The following IL15RA variants were observed in gnomAD, a reference collection of about 807,000 sequenced individuals.
IL15RA encodes interleukin 15 receptor subunit alpha, also known as interleukin-15 receptor subunit alpha.
Under a neutral mutation model 24.2 loss-of-function variants are expected in IL15RA, and 26 were observed. The ratio of observed to expected loss-of-function variants is 1.07; its 90% CI spans 0.79 to 1.49. The LOEUF (loss-of-function observed/expected upper bound fraction) is 1.49. Ranked by LOEUF, IL15RA falls within the 40% of genes most tolerant of loss-of-function variation. The pLI is 0.00. For synonymous variants in IL15RA, 166 were observed against 157.6 expected (o/e 1.05, Z -0.40); for missense variants, 354 against 356.4 (o/e 0.99, Z 0.05).
chr10:5,954,420 A>G (rs1187103681), intron 6 of IL15RA, among the ~76,000 whole-genome samples: 1 of 151,648 alleles, frequency 6.6e-6, no homozygotes, highest in African/African-American at 2.4e-5. Flanking sequence ...AATTCTTCCT[A>G]AAGATATATT....
At chr10:5,951,141 CAAAAAAAAAAAAAA>C (rs60771366), downstream of IL15RA, among the ~76,000 whole-genome samples, 68 of 35,956 alleles carry the variant, frequency 1.9e-3, 1 homozygote, top group African/African-American at 3.9e-3. Context: ...GACTCAGTCT[CAAAAAAAAAAAAAA>C]AAAAAAAAAA....
rs1835123226 is a variant in IL15RA, at chr10:5,959,439, A to G, written c.616+315T>C. On this transcript the variant is annotated intron_variant, in intron 5 of 6. Transcript: ENST00000379977. The surrounding 1 kb of genome is among the most constrained non-coding windows in gnomAD (Gnocchi z 4.1). Reference sequence around the variant, plus strand: ...CTGGCATCAGCACCTGTAGTTTTGGATGCTCCATGCAAAAGAGGTGCACCC... The same window carrying G: ...CTGGCATCAGCACCTGTAGTTTTGGGTGCTCCATGCAAAAGAGGTGCACCC... Among the ~76,000 whole-genome samples the G allele has an allele frequency of 6.6e-6, 1 of 152,116 alleles. No homozygotes were observed.
downstream of IL15RA, among the ~76,000 whole-genome samples, chr10:5,950,095 C>A (rs376866759): frequency 2.0e-5 from 3 of 149,852 alleles, no homozygotes; most frequent in African/African-American, 2.5e-5. This position sits in a 1 kb window ranked among gnomAD's most constrained non-coding sequence, Gnocchi z 5.6. Flanking sequence ...GACTCTGTCT[C>A]AAAAAAAAAG....
downstream of IL15RA, chr10:5,949,137 T>C (rs1489067764): frequency 4.5e-5 from 20 of 448,770 alleles, no homozygotes; most frequent in Non-Finnish European, 8.8e-5. This position sits in a 1 kb window ranked among gnomAD's most constrained non-coding sequence, Gnocchi z 4.4. Flanking sequence ...ACAGGGTCAT[T>C]GGGAGGAGCC....
Position 5,960,573 on chromosome 10 carries a change from G to A in IL15RA, c.383-6C>T, listed in dbSNP as rs747611354. 2 of 1,613,418 alleles carry A rather than the reference G, an allele frequency of 1.2e-6. No homozygotes were observed. Among genetic ancestry groups the A allele is most frequent in the South Asian group, 1.1e-5 (1 of 90,992 alleles). ...GGGAGATGAAGCTGCGGGCTCTGTAGGAGAGTCCAAGGCAGGGACAACATC... is the reference window on the plus strand; with the variant it reads ...GGGAGATGAAGCTGCGGGCTCTGTAAGAGAGTCCAAGGCAGGGACAACATC... On this transcript the variant is annotated splice_region_variant and splice_polypyrimidine_tract_variant and intron_variant, in intron 3 of 6. Coordinates refer to ENST00000379977, the MANE Select transcript of IL15RA (RefSeq NM_002189.4). The surrounding 1 kb of genome is among the most constrained non-coding windows in gnomAD (Gnocchi z 5.1).
At position 5,966,950 on chromosome 10, in the gene IL15RA, A is replaced by G. The variant is rs943827046; in HGVS notation, c.89-611T>C. ...TCACACCACTGCACTCTAGCCTGGG[A>G]GTTGGCCAGGCTGGTCTTGAACTCC... is the stretch of plus-strand genomic sequence containing the variant. On this transcript the variant is annotated intron_variant, in intron 1 of 6. Transcript: ENST00000379977. The surrounding 1 kb of genome is among the most constrained non-coding windows in gnomAD (Gnocchi z 6.4). Among the ~76,000 whole-genome samples the G allele has an allele frequency of 8.6e-5, 13 of 151,556 alleles. No homozygotes were observed. The highest frequency in any genetic ancestry group is 3.1e-4 in the African/African-American group (13 of 41,408).
At chr10:5,956,315 A>G in intron 6 of IL15RA, 64 bp downstream of exon 6, 2 of 1,339,288 alleles carry the variant, frequency 1.5e-6, no homozygotes, top group Non-Finnish European at 1.1e-6. Flanking sequence ...GCGCCCGGCC[A>G]GGTGCAGCTC....
rs959474975 is a variant in IL15RA, at chr10:5,965,464, C to T, written c.283+681G>A. ...TGCAGCCAAATTCTCCTGCCAGCAT[C>T]GTCTCAAATCAAAGCACTACATGTA... On this transcript the variant is annotated intron_variant, in intron 2 of 6. Coordinates refer to ENST00000379977, the MANE Select transcript of IL15RA (RefSeq NM_002189.4). This position sits in a 1 kb window ranked among gnomAD's most constrained non-coding sequence, Gnocchi z 5.8. Among the ~76,000 whole-genome samples the T allele has an allele frequency of 8.5e-5, 13 of 152,344 alleles. No homozygotes were observed. Among genetic ancestry groups the T allele is most frequent in the African/African-American group, 2.9e-4 (12 of 41,578 alleles).
Position 5,953,354 on chromosome 10 carries a change from T to C in IL15RA, c.693-148A>G, listed in dbSNP as rs1230710955. 1.1e-5 allele frequency: 8 copies of C among 722,634 alleles called. No homozygotes were observed. The highest frequency in any genetic ancestry group is 3.2e-4 in the Middle Eastern group (1 of 3,084). 44.8% of individuals were successfully genotyped at this position (722,634 alleles called of 1,614,324 possible). A position where few individuals can be genotyped will look rare whatever the true frequency, so the allele number is the denominator to read the frequency against. On this transcript the variant is annotated intron_variant, in intron 6 of 6. Transcript: ENST00000379977. This position sits in a 1 kb window ranked among gnomAD's most constrained non-coding sequence, Gnocchi z 5.3. ...GCCACGGGAGTCAGACAGAGAGCAC[T>C]TAGTCCTCAGAGATGGAGAGAACCT...
chr10:5,951,331 C>T (rs1833864866), downstream of IL15RA, among the ~76,000 whole-genome samples: 1 of 151,128 alleles, frequency 6.6e-6, no homozygotes, highest in Admixed American at 6.6e-5. Flanking sequence ...CCCTCCCCCA[C>T]AAAAAAAGAA....
In IL15RA at chr10:5,962,309, G is replaced by A. The variant is rs761993851; in HGVS notation, c.382+1434C>T. Among the ~76,000 whole-genome samples, 15 of 152,202 alleles carry A rather than the reference G, an allele frequency of 9.9e-5. No individual in the cohort carries two copies. The South Asian group carries it at 2.7e-3, about 27-fold the overall frequency. ...CCTTGGCCACTTAAGAACCACCTGT[G>A]GGCTGGGTGCAGTGGCTCACACCTG... On this transcript the variant is annotated intron_variant, in intron 3 of 6. Coordinates refer to ENST00000379977, the MANE Select transcript of IL15RA (RefSeq NM_002189.4). The surrounding 1 kb of genome is among the most constrained non-coding windows in gnomAD (Gnocchi z 5.2).
In IL15RA at chr10:5,959,673, G is replaced by A. The variant is rs971030043; in HGVS notation, c.616+81C>T. 39 of 1,256,726 alleles carry A rather than the reference G, an allele frequency of 3.1e-5. No individual in the cohort carries two copies. Among genetic ancestry groups the A allele is most frequent in the East Asian group, 4.6e-5 (2 of 43,214 alleles). 77.8% of individuals were successfully genotyped at this position (1,256,726 alleles called of 1,614,324 possible). A position where few individuals can be genotyped will look rare whatever the true frequency, so the allele number is the denominator to read the frequency against. On this transcript the variant is annotated intron_variant, in intron 5 of 6. Transcript: ENST00000379977. This position sits in a 1 kb window ranked among gnomAD's most constrained non-coding sequence, Gnocchi z 4.1. The stretch of plus-strand genomic sequence containing the variant: ...GCTGTCAGGGCTGTGCTGGGGCAGC[G>A]GGCCTGGGCCAGGACCACCCAGCAC...
chr10:5,957,148 A>G (rs1283861845), intron 5 of IL15RA, among the ~76,000 whole-genome samples: 3 of 150,146 alleles, frequency 2.0e-5, no homozygotes, highest in African/African-American at 7.4e-5. Flanking sequence ...TTCAGTAGAG[A>G]CGGGGTTTCA....
chr10:5,963,737 T>G lies in IL15RA; in HGVS notation c.382+6A>C. 2.0e-6 allele frequency: 3 copies of G among 1,508,706 alleles called. No homozygotes were observed. The highest frequency in any genetic ancestry group is 2.6e-6 in the Non-Finnish European group (3 of 1,137,472). The allele number at this position is 1,508,706 out of a possible 1,614,324, so 93.5% of individuals were successfully genotyped here. A position where few individuals can be genotyped will look rare whatever the true frequency, so the allele number is the denominator to read the frequency against. ...AATGTCCTCGAGAAGTTTCTGACCT[T>G]CCTACCTTTTCCAGAAGGGGAGAGG... On this transcript the variant is annotated splice_donor_region_variant and intron_variant, in intron 3 of 6. Transcript: ENST00000379977. The surrounding 1 kb of genome is among the most constrained non-coding windows in gnomAD (Gnocchi z 5.3).
In IL15RA at chr10:5,959,644, G is replaced by A. The variant is rs1242059601; in HGVS notation, c.616+110C>T. 6 of 872,736 alleles carry A rather than the reference G, an allele frequency of 6.9e-6. No individual in the cohort carries two copies. Among genetic ancestry groups the A allele is most frequent in the Non-Finnish European group, 1.2e-5 (6 of 514,702 alleles). The allele number at this position is 872,736 out of a possible 1,614,324, so 54.1% of individuals were successfully genotyped here. A position where few individuals can be genotyped will look rare whatever the true frequency, so the allele number is the denominator to read the frequency against. ...ATGGAGGCCTTCTGAGTGTGGAAGG[G>A]GCTGCTGTCAGGGCTGTGCTGGGGC... On this transcript the variant is annotated intron_variant, in intron 5 of 6. Coordinates refer to ENST00000379977, the MANE Select transcript of IL15RA (RefSeq NM_002189.4). This position sits in a 1 kb window ranked among gnomAD's most constrained non-coding sequence, Gnocchi z 4.1.
At chr10:5,977,103 A>C in intron 1 of IL15RA, 9 of 262,662 alleles carry the variant, frequency 3.4e-5, no homozygotes, top group East Asian at 6.7e-5. Context: ...TCCCGTGGCC[A>C]AAACGGGCTT....
intron 5 of IL15RA, among the ~76,000 whole-genome samples, chr10:5,957,706 C>T (rs577476557): frequency 1.5e-4 from 23 of 152,006 alleles, no homozygotes; most frequent in African/African-American, 5.3e-4. Flanking sequence ...ATTCTCCTAC[C>T]TCAGCCTCCT....
At chr10:5,957,625 C>T (rs188990610) in intron 5 of IL15RA, among the ~76,000 whole-genome samples, 1 of 144,998 alleles carries the variant, frequency 6.9e-6, no homozygotes, top group Non-Finnish European at 1.5e-5. Flanking sequence ...CGGAATCTCA[C>T]TGTGTTGCCC....
upstream of IL15RA, chr10:5,977,942 C>T (rs948687419): frequency 8.7e-6 from 2 of 230,134 alleles, no homozygotes; most frequent in Non-Finnish European, 8.4e-6. Context: ...CCTCGCCCGG[C>T]GCTGGTCGCC....
Sources: gnomAD v4.1 joint callset for allele counts (sites outside exome capture counted in the v4.1 genomes callset) on GRCh38, gnomAD v4.1.1 for gene constraint, Gnocchi (gnomAD v3.1) non-coding constraint, MANE v1.5 for transcripts, NCBI Gene and HGNC (gene_info 2026-07-23, HGNC 2026-07-21) for gene names.